TMTC1: variants seen among roughly 807,000 people sequenced by gnomAD.
TMTC1 encodes the protein protein O-mannosyl-transferase TMTC1.
TMTC1 carries 73 observed loss-of-function variants against 104.8 expected under a neutral mutation model. That is an observed-to-expected ratio of 0.70 (90% CI 0.58 to 0.85). The LOEUF is 0.85. TMTC1 is among the 40% of genes least tolerant of loss of function. TMTC1 has a pLI of 0.00. For missense variants in TMTC1, 1,035 were observed against 1,096.1 expected (o/e 0.94, Z 0.79); for synonymous variants, 434 against 428.7 (o/e 1.01, Z -0.15).
intron 4 of TMTC1, among the ~76,000 whole-genome samples, chr12:29,752,641 T>G (rs1943118783): frequency 6.6e-6 from 1 of 152,010 alleles, no homozygotes; most frequent in African/African-American, 2.4e-5. Flanking sequence ...ATAATGATAA[T>G]TAAATACTAT....
At chr12:29,710,924 T>TAG (rs577866975) in intron 5 of TMTC1, among the ~76,000 whole-genome samples, 6,411 of 20,888 alleles carry the variant, frequency 0.31, 652 homozygotes, top group African/African-American at 0.39. Flanking sequence ...TAAATATATA[T>TAG]AAATATATTA....
rs34859060 is a variant in TMTC1, at chr12:29,750,062, T to TACACACACACACAC, written c.938+1590_938+1603dup. The stretch of plus-strand genomic sequence containing the variant: ...AAAGAAATGTTATCATAACTGTCTA[T>TACACACACACACAC]ACACACACACACACACACACACACA... On this transcript the variant is annotated intron_variant, in intron 5 of 17. Coordinates refer to ENST00000539277, the MANE Select transcript of TMTC1 (RefSeq NM_001193451.2). Among the ~76,000 whole-genome samples, 35 of 146,646 alleles carry TACACACACACACAC rather than the reference T, an allele frequency of 2.4e-4. No individual in the cohort carries two copies. In the South Asian group the frequency reaches 4.4e-3, roughly 19 times the overall value.
intron 5 of TMTC1, among the ~76,000 whole-genome samples, chr12:29,747,635 C>T (rs557266607): frequency 6.6e-6 from 1 of 152,328 alleles, no homozygotes; most frequent in East Asian, 1.9e-4. Context: ...CATTCCTTGC[C>T]TGCATATTGC....
rs1313209627 is a variant in TMTC1 at position 29,514,579 on chromosome 12, A to G, written c.2333T>C (p.Leu778Pro). ...TTTTGGGTCCTTTGGTTTCAGCTGG[A>G]GAGCCTTGTCTATAGCATCAAGTGC... is the stretch of plus-strand genomic sequence containing the variant. ...DKALDAIDKALQLKPKDPKVI... is the reference protein window; with the variant it reads ...DKALDAIDKAPQLKPKDPKVI... Residue 778 changes from leucine to proline, a missense_variant, in exon 16 of 18, where the codon CTC becomes CCC. Coordinates refer to ENST00000539277, the MANE Select transcript of TMTC1 (RefSeq NM_001193451.2). The G allele has an allele frequency of 6.2e-7, 1 of 1,613,892 alleles. No homozygotes were observed. The highest frequency in any genetic ancestry group is 2.2e-5 in the East Asian group (1 of 44,882).
chr12:29,606,605 T>G (rs1416681282), intron 6 of TMTC1, among the ~76,000 whole-genome samples: 3 of 152,248 alleles, frequency 2.0e-5, no homozygotes, highest in Non-Finnish European at 4.4e-5. Context: ...CAAAGAAGTT[T>G]CTAAAGAGAA....
At chr12:29,542,179 C>G (rs1178046078) in intron 10 of TMTC1, among the ~76,000 whole-genome samples, 3 of 152,120 alleles carry the variant, frequency 2.0e-5, no homozygotes, top group Non-Finnish European at 4.4e-5. Flanking sequence ...AATCGAACAT[C>G]AGTATATATC....
intron 14 of TMTC1, 32 bp downstream of exon 14, chr12:29,517,395 T>G (rs1000172268): frequency 6.2e-7 from 1 of 1,613,082 alleles, no homozygotes; most frequent in Non-Finnish European, 8.5e-7. Flanking sequence ...TGTGCTTAGG[T>G]TGCCAGCTTC....
At chr12:29,753,556 G>A (rs1207000541) in intron 4 of TMTC1, among the ~76,000 whole-genome samples, 1 of 152,234 alleles carries the variant, frequency 6.6e-6, no homozygotes, top group Non-Finnish European at 1.5e-5. Context: ...ATTGTTGCAA[G>A]CAAATGGCAT....
At position 29,615,850 on chromosome 12, in the gene TMTC1, G is replaced by A. The variant is rs190300145; in HGVS notation, c.1129-11551C>T. On this transcript the variant is annotated intron_variant, in intron 6 of 17. Transcript: ENST00000539277. ...ATGTTTTTGTTGATGCTGTGGTGGC[G>A]GTTGTTTTTGGAGGTACAAAGAAGG... 2.5e-4 allele frequency among the ~76,000 whole-genome samples: 38 copies of A among 152,166 alleles called. No homozygotes were observed. The South Asian group carries it at 3.5e-3, about 14-fold the overall frequency.
chr12:29,599,205 C>T (rs1175344670), intron 7 of TMTC1, among the ~76,000 whole-genome samples: 3 of 151,406 alleles, frequency 2.0e-5, no homozygotes, highest in African/African-American at 4.9e-5. Context: ...TTATAAAACA[C>T]AAAAAAGATA....
chr12:29,681,239 C>T (rs1427207958), intron 5 of TMTC1, among the ~76,000 whole-genome samples: 1 of 151,532 alleles, frequency 6.6e-6, no homozygotes, highest in African/African-American at 2.4e-5. Context: ...AGAATAAAAA[C>T]AGGTAAAGAA....
At chr12:29,586,239 C>T (rs1440015477) in intron 7 of TMTC1, among the ~76,000 whole-genome samples, 4 of 151,548 alleles carry the variant, frequency 2.6e-5, no homozygotes, top group Non-Finnish European at 5.9e-5. Context: ...GGCTCTCTGT[C>T]TGTTATTGGT....
intron 5 of TMTC1, among the ~76,000 whole-genome samples, chr12:29,713,117 C>T (rs169987): frequency 0.72 from 109,416 of 151,566 alleles, 40,501 homozygotes; most frequent in South Asian, 0.83. Flanking sequence ...AAAGGAATTC[C>T]GTCTCCAGAC....
chr12:29,648,920 T>C (rs1208424495), intron 5 of TMTC1, among the ~76,000 whole-genome samples: 1 of 152,170 alleles, frequency 6.6e-6, no homozygotes, highest in African/African-American at 2.4e-5. Flanking sequence ...CACATGGCCA[T>C]TGGAACTAGC....
chr12:29,648,136 A>G (rs1275015360), intron 5 of TMTC1, among the ~76,000 whole-genome samples: 1 of 152,248 alleles, frequency 6.6e-6, no homozygotes, highest in African/African-American at 2.4e-5. Flanking sequence ...CTTTTCTGAC[A>G]GGACAGGTTA....
intron 10 of TMTC1, among the ~76,000 whole-genome samples, chr12:29,552,067 G>A (rs2136244039): frequency 6.6e-6 from 1 of 152,170 alleles, no homozygotes; most frequent in South Asian, 2.1e-4. Context: ...AGATTGCCTT[G>A]GATGCTCTGA....
At chr12:29,683,198 A>T (rs1208475296) in intron 5 of TMTC1, among the ~76,000 whole-genome samples, 2 of 152,160 alleles carry the variant, frequency 1.3e-5, no homozygotes, top group African/African-American at 2.4e-5. Context: ...TCGGCAAATG[A>T]ATTACCAGAA....
intron 12 of TMTC1, chr12:29,519,792 CACA>C (rs1275318105): frequency 6.6e-6 from 1 of 152,150 alleles, no homozygotes; most frequent in Non-Finnish European, 1.5e-5. Flanking sequence ...GGTGGCACTA[CACA>C]ACAATTTTAC....
At chr12:29,547,126 T>C (rs1312893199) in intron 10 of TMTC1, among the ~76,000 whole-genome samples, 1 of 152,196 alleles carries the variant, frequency 6.6e-6, no homozygotes, top group African/African-American at 2.4e-5. Context: ...CTGGCCTGTT[T>C]AATTATCCTC....
Sources: allele counts gnomAD v4.1 joint callset (sites outside exome capture counted in the v4.1 genomes callset), GRCh38; gene constraint gnomAD v4.1.1; transcripts MANE v1.5; gene names NCBI Gene and HGNC (gene_info 2026-07-23, HGNC 2026-07-21).